RAB15: variants seen among roughly 807,000 people sequenced by gnomAD.
RAB15 encodes the protein ras-related protein Rab-15.
RAB15 carries 13 observed loss-of-function variants against 31.8 expected under a neutral mutation model. That is an observed-to-expected ratio of 0.41 (90% CI 0.27 to 0.65). RAB15 has a LOEUF of 0.65. Among genes scored for constraint, RAB15 ranks in the 30% least tolerant of loss-of-function variants. The pLI is 0.32. For missense variants in RAB15, 220 were observed against 277.3 expected, an observed-to-expected ratio of 0.79 and a Z score of 1.47; for synonymous variants, 100 against 105.6, an observed-to-expected ratio of 0.95 and a Z score of 0.33.
intron 1 of RAB15, among the ~76,000 whole-genome samples, chr14:64,957,763 A>C (rs1323717124): frequency 6.6e-6 from 1 of 152,138 alleles, no homozygotes; most frequent in Non-Finnish European, 1.5e-5. Flanking sequence ...AAACCCACCC[A>C]GGGTATGCTT....
intron 1 of RAB15, among the ~76,000 whole-genome samples, chr14:64,965,586 G>A (rs1887092693): frequency 6.6e-6 from 1 of 152,220 alleles, no homozygotes; most frequent in African/African-American, 2.4e-5. Flanking sequence ...AAGAGCCAAG[G>A]AGAGGGCAGA....
rs1329979264 is a variant in RAB15 at position 64,970,029 on chromosome 14, G to A, written c.124+1924C>T. ...CACAGCACTAAGCAGGAGTCCCAGA[G>A]CTTCTGAAATGAGGTGGTTGAATGA... On this transcript the variant is annotated intron_variant, in intron 1 of 6. Coordinates refer to ENST00000533601, the MANE Select transcript of RAB15 (RefSeq NM_001308154.2). The surrounding 1 kb of genome is among the most constrained non-coding windows in gnomAD (Gnocchi z 4.1). 6.6e-6 allele frequency among the ~76,000 whole-genome samples: 1 copy of A among 152,160 alleles called. No homozygotes were observed. The highest frequency in any genetic ancestry group is 1.5e-5 in the Non-Finnish European group (1 of 68,024).
At chr14:64,949,722 C>CAAA (rs200189142) in intron 5 of RAB15, among the ~76,000 whole-genome samples, 5 of 85,366 alleles carry the variant, frequency 5.9e-5, no homozygotes, top group East Asian at 2.8e-4. Flanking sequence ...GACTCCATCT[C>CAAA]AAAAAAAAAA....
chr14:64,951,136 A>G lies in RAB15; in HGVS notation c.262T>C (p.Tyr88His). Residue 88 changes from tyrosine to histidine, a missense_variant, in exon 4 of 7, where the codon TAT (tyrosine) becomes CAT (histidine). Physicochemically the swap from Tyr to His is moderately conservative, Grantham distance 83. Transcript: ENST00000533601. The surrounding 1 kb of genome is among the most constrained non-coding windows in gnomAD (Gnocchi z 7.2). ...TAAGAGCGCTCGCTGCTAATGTCAT[A>G]GACCAAAAATATCCCCTGAGAGAGA... ...YRRAQGIFLV[Y>H]DISSERSYQH... The G allele has an allele frequency of 6.2e-7, 1 of 1,612,338 alleles. No homozygotes were observed. Among genetic ancestry groups the G allele is most frequent in the Non-Finnish European group, 8.5e-7 (1 of 1,179,762 alleles).
Position 64,962,334 on chromosome 14 carries a change from G to A in RAB15, c.124+9619C>T, listed in dbSNP as rs536737938. 6.6e-6 allele frequency among the ~76,000 whole-genome samples: 1 copy of A among 152,324 alleles called. No individual in the cohort carries two copies. The highest frequency in any genetic ancestry group is 2.1e-4 in the South Asian group (1 of 4,828). ...AATGCATTCATTCATTCCTTCATTTGTTAATTCATTCATTCAAACTGTTAT... is the reference window on the plus strand; with the variant it reads ...AATGCATTCATTCATTCCTTCATTTATTAATTCATTCATTCAAACTGTTAT... On this transcript the variant is annotated intron_variant, in intron 1 of 6. Transcript: ENST00000533601. This position sits in a 1 kb window ranked among gnomAD's most constrained non-coding sequence, Gnocchi z 4.2.
In RAB15 at chr14:64,950,711, T is replaced by C. The variant is rs1264862594; in HGVS notation, c.325-297A>G. ...AGTCCAGCCCTCATTCTACAGGAAC[T>C]GGGGACCCAGAGGATTCAAATGGCT... On this transcript the variant is annotated intron_variant, in intron 4 of 6. Coordinates refer to ENST00000533601, the MANE Select transcript of RAB15 (RefSeq NM_001308154.2). The surrounding 1 kb of genome is among the most constrained non-coding windows in gnomAD (Gnocchi z 5.6). 3 of 595,456 alleles carry C rather than the reference T, an allele frequency of 5.0e-6. No homozygotes were observed. The highest frequency in any genetic ancestry group is 9.0e-6 in the Non-Finnish European group (3 of 334,806). The allele number at this position is 595,456 out of a possible 1,614,324, so 36.9% of individuals were successfully genotyped here.
Position 64,950,517 on chromosome 14 carries a change from C to G in RAB15, c.325-103G>C. ...TCCAGCCCACCACCAATTCCAGAGC[C>G]CTAGGGACAGGGTGGGCCGACTGGA... On this transcript the variant is annotated intron_variant, in intron 4 of 6. Coordinates refer to ENST00000533601, the MANE Select transcript of RAB15 (RefSeq NM_001308154.2). The surrounding 1 kb of genome is among the most constrained non-coding windows in gnomAD (Gnocchi z 5.6). The G allele has an allele frequency of 4.0e-6, 4 of 997,462 alleles. No individual in the cohort carries two copies. In the South Asian group the frequency reaches 5.1e-5, roughly 13 times the overall value. The allele number at this position is 997,462 out of a possible 1,614,324, so 61.8% of individuals were successfully genotyped here. A position where few individuals can be genotyped will look rare whatever the true frequency, so the allele number is the denominator to read the frequency against.
rs779573746 is a variant in RAB15, at chr14:64,948,463, A to G, written c.530T>C (p.Leu177Pro). 1 of 1,613,320 alleles carries G rather than the reference A, an allele frequency of 6.2e-7. No individual in the cohort carries two copies. The highest frequency in any genetic ancestry group is 8.5e-7 in the Non-Finnish European group (1 of 1,179,668). ...GCTGGCACGCATCCGGAGGCCTTCC[A>G]GCTCCTTCCTATGGGCCTGCAGCAC... ...ELVLQAHRKE[L>P]EGLRMRASNE... is the part of the protein sequence containing the mutation. Residue 177 changes from leucine to proline, a missense_variant, in exon 7 of 7, where the codon CTG (leucine) becomes CCG (proline). Physicochemically the swap from Leu to Pro is moderately conservative, Grantham distance 98. Coordinates refer to ENST00000533601, the MANE Select transcript of RAB15 (RefSeq NM_001308154.2). This position sits in a 1 kb window ranked among gnomAD's most constrained non-coding sequence, Gnocchi z 7.0.
chr14:64,966,305 A>G (rs1022611878), intron 1 of RAB15, among the ~76,000 whole-genome samples: 2 of 152,160 alleles, frequency 1.3e-5, no homozygotes, highest in Non-Finnish European at 2.9e-5. Context: ...ATGGATACAC[A>G]GGATGACCTC....
At position 64,952,694 on chromosome 14, in the gene RAB15, T is replaced by G. The variant is rs1021906976; in HGVS notation, c.125-123A>C. 2 of 638,696 alleles carry G rather than the reference T, an allele frequency of 3.1e-6. No individual in the cohort carries two copies. Among genetic ancestry groups the G allele is most frequent in the Admixed American group, 2.8e-5 (1 of 35,618 alleles). The allele number at this position is 638,696 out of a possible 1,614,324, so 39.6% of individuals were successfully genotyped here. ...TTAATTTGGCAAAGGGATGAAGTAA[T>G]GTAAAGGCCTTCTTTAAGCAGAAAC... On this transcript the variant is annotated intron_variant, in intron 1 of 6. Transcript: ENST00000533601. The surrounding 1 kb of genome is among the most constrained non-coding windows in gnomAD (Gnocchi z 4.2).
intron 1 of RAB15, among the ~76,000 whole-genome samples, chr14:64,960,480 T>C (rs1886798509): frequency 6.6e-6 from 1 of 152,182 alleles, no homozygotes; most frequent in South Asian, 2.1e-4. Flanking sequence ...AGGTCAAGTT[T>C]GGTTCCAACC....
chr14:64,954,231 A>G lies in RAB15; in HGVS notation c.125-1660T>C. The G allele has an allele frequency of 5.1e-6, 5 of 985,428 alleles. No individual in the cohort carries two copies. Among genetic ancestry groups the G allele is most frequent in the Non-Finnish European group, 6.0e-6 (5 of 829,920 alleles). 61.0% of individuals were successfully genotyped at this position (985,428 alleles called of 1,614,324 possible). ...GCCATTCTTCCATGTGTGCAGAGAA[A>G]GAGTGAAGAGAAGGAGGGAGGAAGG... On this transcript the variant is annotated intron_variant, in intron 1 of 6. Coordinates refer to ENST00000533601, the MANE Select transcript of RAB15 (RefSeq NM_001308154.2). The surrounding 1 kb of genome is among the most constrained non-coding windows in gnomAD (Gnocchi z 4.3).
At position 64,947,033 on chromosome 14, in the gene RAB15, T is replaced by C. The variant is rs1885960477; in HGVS notation, c.*1321A>G. 1 of 152,644 alleles carries C rather than the reference T, an allele frequency of 6.6e-6. No homozygotes were observed. The highest frequency in any genetic ancestry group is 2.4e-5 in the African/African-American group (1 of 41,448). The allele number at this position is 152,644 out of a possible 1,614,324, so 9.5% of individuals were successfully genotyped here. ...GAGGTAGAGGGCAAGATGAGCGCTT[T>C]GTCTTAAAGGCCAAAGAGAACAGCA... On this transcript the variant is annotated 3_prime_UTR_variant, in exon 7 of 7. Coordinates refer to ENST00000533601, the MANE Select transcript of RAB15 (RefSeq NM_001308154.2). The surrounding 1 kb of genome is among the most constrained non-coding windows in gnomAD (Gnocchi z 5.6).
rs1887403079 is a variant in RAB15, at chr14:64,971,294, C to A, written c.124+659G>T. 6.6e-6 allele frequency among the ~76,000 whole-genome samples: 1 copy of A among 152,192 alleles called. No individual in the cohort carries two copies. Among genetic ancestry groups the A allele is most frequent in the Non-Finnish European group, 1.5e-5 (1 of 68,026 alleles). On this transcript the variant is annotated intron_variant, in intron 1 of 6. Coordinates refer to ENST00000533601, the MANE Select transcript of RAB15 (RefSeq NM_001308154.2). This position sits in a 1 kb window ranked among gnomAD's most constrained non-coding sequence, Gnocchi z 4.1. ...CAGGCGGGTCCTGCCTGCCTTCTGA[C>A]CCCTTGGTCTGGGCAGGTATTCCTG...
rs139462901 is a variant in RAB15, at chr14:64,951,053, C to T, written c.324+21G>A. ...GTGAGGCACCCTCTCCACACCCCGG[C>T]AGTGAGGTGGCATCTCCTACCTCAT... On this transcript the variant is annotated intron_variant, in intron 4 of 6. Coordinates refer to ENST00000533601, the MANE Select transcript of RAB15 (RefSeq NM_001308154.2). The surrounding 1 kb of genome is among the most constrained non-coding windows in gnomAD (Gnocchi z 7.2). 7.9e-5 allele frequency: 128 copies of T among 1,613,190 alleles called. No homozygotes were observed. In the Middle Eastern group the frequency reaches 1.2e-3, roughly 15 times the overall value.
In RAB15 at chr14:64,968,224, A is replaced by C. The variant is rs1003507686; in HGVS notation, c.124+3729T>G. Reference sequence around the variant, plus strand: ...AAGAATCTTCTCACTTTCCTGAAGAATCCCTTCTGTTGCATCTAAACTGCC... The same window carrying C: ...AAGAATCTTCTCACTTTCCTGAAGACTCCCTTCTGTTGCATCTAAACTGCC... On this transcript the variant is annotated intron_variant, in intron 1 of 6. Transcript: ENST00000533601. This position sits in a 1 kb window ranked among gnomAD's most constrained non-coding sequence, Gnocchi z 4.9. Among the ~76,000 whole-genome samples, 1 of 152,178 alleles carries C rather than the reference A, an allele frequency of 6.6e-6. No homozygotes were observed. The highest frequency in any genetic ancestry group is 1.5e-5 in the Non-Finnish European group (1 of 68,022).
intron 1 of RAB15, among the ~76,000 whole-genome samples, chr14:64,966,064 C>T (rs1887121939): frequency 1.3e-5 from 2 of 152,320 alleles, no homozygotes; most frequent in African/African-American, 4.8e-5. Context: ...CTGCTTCACA[C>T]CTCCTCACCA....
chr14:64,954,069 T>C lies in RAB15; in HGVS notation c.125-1498A>G, dbSNP rs559235461. ...TTCCCACCATCAAGACCAATCATCA[T>C]TTAATTACAAGGGAAAAAAGATGCA... is the stretch of plus-strand genomic sequence containing the variant. On this transcript the variant is annotated intron_variant, in intron 1 of 6. Coordinates refer to ENST00000533601, the MANE Select transcript of RAB15 (RefSeq NM_001308154.2). This position sits in a 1 kb window ranked among gnomAD's most constrained non-coding sequence, Gnocchi z 4.3. 1 of 985,466 alleles carries C rather than the reference T, an allele frequency of 1.0e-6. No homozygotes were observed. The highest frequency in any genetic ancestry group is 1.1e-4 in the East Asian group (1 of 8,816). 61.0% of individuals were successfully genotyped at this position (985,466 alleles called of 1,614,324 possible). A position where few individuals can be genotyped will look rare whatever the true frequency, so the allele number is the denominator to read the frequency against.
rs1046551002 is a variant in RAB15 at position 64,950,459 on chromosome 14, C to T, written c.325-45G>A. ...AGAACAGCCAGTGAGTGCTGCCTGC[C>T]CCCCCAATTTTCCCTACAGAGTCTG... On this transcript the variant is annotated intron_variant, in intron 4 of 6. Coordinates refer to ENST00000533601, the MANE Select transcript of RAB15 (RefSeq NM_001308154.2). The surrounding 1 kb of genome is among the most constrained non-coding windows in gnomAD (Gnocchi z 5.6). 3 of 1,504,622 alleles carry T rather than the reference C, an allele frequency of 2.0e-6. No homozygotes were observed. Among genetic ancestry groups the T allele is most frequent in the Non-Finnish European group, 1.8e-6 (2 of 1,082,470 alleles). The allele number at this position is 1,504,622 out of a possible 1,614,324, so 93.2% of individuals were successfully genotyped here.
Sources: allele counts gnomAD v4.1 joint callset (sites outside exome capture counted in the v4.1 genomes callset), GRCh38; gene constraint gnomAD v4.1.1; non-coding constraint Gnocchi (gnomAD v3.1); transcripts MANE v1.5; gene names NCBI Gene and HGNC (gene_info 2026-07-23, HGNC 2026-07-21).